The following PPM1E variants were observed in gnomAD, a reference collection of about 807,000 sequenced individuals.
The protein encoded by PPM1E is protein phosphatase 1E.
Under a neutral mutation model 65.9 loss-of-function variants are expected in PPM1E, and 20 were observed. The ratio of observed to expected loss-of-function variants is 0.30; its 90% confidence interval spans 0.21 to 0.44. The LOEUF is 0.44. Among genes scored for constraint, PPM1E ranks in the 20% least tolerant of loss-of-function variants. PPM1E has a pLI of 1.00. For synonymous variants in PPM1E, 352 were observed against 374.9 expected (o/e 0.94, Z 0.70); for missense variants, 713 against 953.1 (o/e 0.75, Z 3.32).
chr17:58,897,215 C>T (rs1407711128), intron 1 of PPM1E, among the ~76,000 whole-genome samples: 1 of 151,932 alleles, frequency 6.6e-6, no homozygotes, highest in Non-Finnish European at 1.5e-5. Context: ...GAGATCGAGA[C>T]CATCCTGGCT....
At chr17:58,758,844 C>G (rs2049794583) in intron 1 of PPM1E, among the ~76,000 whole-genome samples, 1 of 152,204 alleles carries the variant, frequency 6.6e-6, no homozygotes, top group Non-Finnish European at 1.5e-5. Context: ...GTTTGGGAGG[C>G]TGAGGTGGGC....
At chr17:58,842,469 G>C (rs1567850815) in intron 1 of PPM1E, among the ~76,000 whole-genome samples, 5 of 152,168 alleles carry the variant, frequency 3.3e-5, no homozygotes, top group Non-Finnish European at 1.5e-5. Flanking sequence ...GTGTATGTTG[G>C]GGGGTATATG....
chr17:58,965,945 C>T lies in PPM1E; in HGVS notation c.783+52C>T, dbSNP rs1365900583. The T allele has an allele frequency of 2.0e-6, 3 of 1,523,220 alleles. No individual in the cohort carries two copies. In the Admixed American group the frequency reaches 5.1e-5, roughly 26 times the overall value. The allele number at this position is 1,523,220 out of a possible 1,614,324, so 94.4% of individuals were successfully genotyped here. On this transcript the variant is annotated intron_variant, in intron 3 of 6. Transcript: ENST00000308249. ...GAGATTTTAAAGACAAAACAAACAC[C>T]TTCATGGTCCTGTTAGAAAAGGAAA... is the stretch of plus-strand genomic sequence containing the variant.
chr17:58,935,995 C>G (rs1015031259), intron 1 of PPM1E, among the ~76,000 whole-genome samples: 19 of 150,572 alleles, frequency 1.3e-4, no homozygotes, highest in Non-Finnish European at 1.5e-5. Flanking sequence ...CAACAGTCCT[C>G]AGAGTGTGAT....
intron 1 of PPM1E, among the ~76,000 whole-genome samples, chr17:58,823,924 G>T (rs2050505913): frequency 6.6e-6 from 1 of 151,842 alleles, no homozygotes; most frequent in Non-Finnish European, 1.5e-5. Context: ...TAGAGACAGG[G>T]TTTCACCACG....
rs546711737 is a variant in PPM1E at position 58,776,967 on chromosome 17, T to C, written c.464+20506T>C. On this transcript the variant is annotated intron_variant, in intron 1 of 6. Transcript: ENST00000308249. ...AGATTATAGGGCTGGGTGCAGTGGC[T>C]CATGACTGTAATCCCAACACTTTGG... is the stretch of plus-strand genomic sequence containing the variant. Among the ~76,000 whole-genome samples, 4 of 152,214 alleles carry C rather than the reference T, an allele frequency of 2.6e-5. No individual in the cohort carries two copies. The East Asian group carries it at 5.8e-4, about 22-fold the overall frequency.
intron 1 of PPM1E, among the ~76,000 whole-genome samples, chr17:58,882,358 A>T: frequency 6.6e-6 from 1 of 152,158 alleles, no homozygotes; most frequent in East Asian, 1.9e-4. Context: ...CTCCTTTTAT[A>T]TAAGTAGGGT....
intron 1 of PPM1E, among the ~76,000 whole-genome samples, chr17:58,828,589 C>T (rs939244052): frequency 2.0e-5 from 3 of 151,864 alleles, no homozygotes; most frequent in African/African-American, 4.8e-5. Flanking sequence ...CTCAGCCTCC[C>T]GAGTAGCTGG....
chr17:58,917,879 T>C (rs1032981646), intron 1 of PPM1E, among the ~76,000 whole-genome samples: 1 of 152,188 alleles, frequency 6.6e-6, no homozygotes, highest in African/African-American at 2.4e-5. Context: ...TGGAGTAGCA[T>C]TTAAAGAAAA....
intron 1 of PPM1E, among the ~76,000 whole-genome samples, chr17:58,944,994 C>G (rs2052127741): frequency 6.6e-6 from 1 of 152,110 alleles, no homozygotes; most frequent in Non-Finnish European, 1.5e-5. Flanking sequence ...CCTGTTATTA[C>G]TAATTGTCTT....
In PPM1E at chr17:58,756,424, G is replaced by A. The variant is rs1166190729; in HGVS notation, c.427G>A (p.Glu143Lys). 11 of 1,354,144 alleles carry A rather than the reference G, an allele frequency of 8.1e-6. No individual in the cohort carries two copies. Among genetic ancestry groups the A allele is most frequent in the Non-Finnish European group, 1.0e-5 (11 of 1,056,350 alleles). 83.9% of individuals were successfully genotyped at this position (1,354,144 alleles called of 1,614,324 possible). The change falls in exon 1 of 7, where the codon GAA (glutamate) becomes AAA (lysine). Residue 143 changes from glutamate to lysine, a missense_variant. Transcript: ENST00000308249. ...CATCACCCGCGAGGAGGTGGAGGGC[G>A]AAAGCCTGGACCTGTGCCTGCAGCA... ...ERITREEVEG[E>K]SLDLCLQQLY... is the part of the protein sequence containing the mutation.
rs189125671 is a variant in PPM1E, at chr17:58,906,746, A to G, written c.465-48903A>G. ...GGATTTAATTTGCTCTTCTTTTTCC[A>G]GTTTCCTAATGTGGAAACTTAAATT... On this transcript the variant is annotated intron_variant, in intron 1 of 6. Transcript: ENST00000308249. Among the ~76,000 whole-genome samples the G allele has an allele frequency of 7.9e-5, 12 of 152,036 alleles. No individual in the cohort carries two copies. The East Asian group carries it at 2.3e-3, about 29-fold the overall frequency.
Position 58,756,271 on chromosome 17 carries a change from G to T in PPM1E, c.274G>T (p.Ala92Ser). ...EQDPEPEEEA[A>S]VEGEEEEEGA... The stretch of plus-strand genomic sequence containing the variant: ...AGACCCGGAGCCCGAGGAGGAGGCG[G>T]CGGTTGAGGGTGAGGAGGAGGAGGA... Residue 92 changes from alanine (A) to serine (S), a missense_variant, in exon 1 of 7, where the codon GCG (alanine) becomes TCG (serine). Physicochemically the swap from Ala to Ser is moderately conservative, Grantham distance 99. Around this residue, in one of 6 missense-constraint regions of PPM1E, gnomAD observed 212 missense variants for 204.0 expected, o/e 1.04. Transcript: ENST00000308249. 1 of 1,548,414 alleles carries T rather than the reference G, an allele frequency of 6.5e-7. No individual in the cohort carries two copies.
intron 1 of PPM1E, among the ~76,000 whole-genome samples, chr17:58,901,260 G>C (rs545292732): frequency 6.6e-6 from 1 of 152,228 alleles, no homozygotes; most frequent in African/African-American, 2.4e-5. Context: ...TATGATCAAC[G>C]TGAGCCACCA....
chr17:58,871,960 G>C (rs1485564561), intron 1 of PPM1E, among the ~76,000 whole-genome samples: 1 of 152,184 alleles, frequency 6.6e-6, no homozygotes, highest in African/African-American at 2.4e-5. Flanking sequence ...AAGATAAACT[G>C]TTTTCTCCCT....
intron 1 of PPM1E, among the ~76,000 whole-genome samples, chr17:58,839,974 A>G (rs2050701558): frequency 6.6e-6 from 1 of 152,226 alleles, no homozygotes. Flanking sequence ...GATCACCCTC[A>G]TGTTGAATAA....
intron 6 of PPM1E, among the ~76,000 whole-genome samples, chr17:58,977,214 G>T (rs781306475): frequency 7.9e-5 from 12 of 152,068 alleles, no homozygotes; most frequent in Non-Finnish European, 1.8e-4. Context: ...AGAAGCCCAG[G>T]TGGGTAGATC....
intron 3 of PPM1E, 200 bp from the exon 4 acceptor site, chr17:58,969,339 G>C (rs1284234163): frequency 1.5e-6 from 1 of 684,752 alleles, no homozygotes; most frequent in Non-Finnish European, 2.7e-6. Flanking sequence ...GTGTTCTGGT[G>C]TGTAAACACA....
intron 1 of PPM1E, among the ~76,000 whole-genome samples, chr17:58,837,361 T>A (rs958920697): frequency 5.5e-5 from 6 of 109,842 alleles, no homozygotes; most frequent in Non-Finnish European, 1.0e-4. Context: ...ACACACACAC[T>A]AAATCTCTCA....
Sources: allele counts gnomAD v4.1 joint callset (sites outside exome capture counted in the v4.1 genomes callset), GRCh38; gene constraint gnomAD v4.1.1; regional missense constraint gnomAD v4.1.1; transcripts MANE v1.5; gene names NCBI Gene and HGNC (gene_info 2026-07-23, HGNC 2026-07-21).